Variants in UPF3B observed in about 807,000 individuals in gnomAD.
UPF3B encodes the protein UPF3B regulator of nonsense mediated mRNA decay, also known as regulator of nonsense transcripts 3B.
A neutral mutation model predicts 40.3 loss-of-function variants in UPF3B; 7 were observed. The ratio of observed to expected loss-of-function variants is 0.17; its 90% CI spans 0.10 to 0.33. UPF3B has a LOEUF of 0.33. Ranked by LOEUF, UPF3B falls within the 10% of genes least tolerant of loss-of-function variation. UPF3B has a pLI of 1.00. For synonymous variants in UPF3B, 117 were observed against 117.3 expected (o/e 1.00, Z 0.01); for missense variants, 229 against 358.9 (o/e 0.64, Z 2.93).
chrX:119,840,782 G>A (rs2056151962), intron 7 of UPF3B, 98 bp from the exon 8 acceptor site: 1 of 872,962 alleles, frequency 1.1e-6, no homozygotes, highest in South Asian at 2.2e-5. Flanking sequence ...CCAGCCCTAA[G>A]CCCTCATTTA....
intron 5 of UPF3B, among the ~76,000 whole-genome samples, chrX:119,814,942 T>C (rs2055852346): frequency 1.0e-5 from 1 of 98,406 alleles, no homozygotes. Context: ...CACGGCTTAC[T>C]GCAACCTCCG....
At chrX:119,849,392 C>T (rs1288902105) in intron 3 of UPF3B, among the ~76,000 whole-genome samples, 1 of 108,722 alleles carries the variant, frequency 9.2e-6, no homozygotes, top group East Asian at 2.9e-4. Context: ...AGTCGGCAGG[C>T]TGAGGAACGA....
At chrX:119,845,410 G>A in intron 3 of UPF3B, 114 bp from the exon 4 acceptor site, 1 of 610,304 alleles carries the variant, frequency 1.6e-6, no homozygotes, top group Non-Finnish European at 2.6e-6. Context: ...ATCTGAAGAG[G>A]GTCTCCCAAA....
At chrX:119,830,583 G>A, downstream of UPF3B, among the ~76,000 whole-genome samples, 1 of 110,292 alleles carries the variant, frequency 9.1e-6, no homozygotes, top group Non-Finnish European at 1.9e-5. Flanking sequence ...CAACTCTTAG[G>A]CATTTCTTTA....
chrX:119,836,292 T>C (rs2056090674), intron 10 of UPF3B, among the ~76,000 whole-genome samples: 1 of 108,924 alleles, frequency 9.2e-6, no homozygotes. Context: ...GAGGTGGAGG[T>C]TGTGGTGAGC....
Position 119,840,583 on chromosome X carries a change from T to A in UPF3B, c.846+63A>T. Reference sequence around the variant, plus strand: ...CCACCACCACCACCAAAAGGACTTATTAGCTAAGACCTGTGTGTGTGACAT... The same window carrying A: ...CCACCACCACCACCAAAAGGACTTAATAGCTAAGACCTGTGTGTGTGACAT... On this transcript the variant is annotated intron_variant, in intron 8 of 10. Coordinates refer to ENST00000276201, the MANE Select transcript of UPF3B (RefSeq NM_080632.3). 4 of 1,066,503 alleles carry A rather than the reference T, an allele frequency of 3.8e-6. No individual in the cohort carries two copies. The Admixed American group carries it at 9.1e-5, about 24-fold the overall frequency. The allele number at this position is 1,066,503 out of a possible 1,213,427, so 87.9% of individuals were successfully genotyped here.
At position 119,841,716 on chromosome X, in the gene UPF3B, A is replaced by G. The variant is rs753003157; in HGVS notation, c.624+19T>C. ...AAGAAATTAAAGTATTGAGAGAACT[A>G]TAAAGACAAAAGATTTACCTGCTTG... On this transcript the variant is annotated intron_variant, in intron 6 of 10. Transcript: ENST00000276201. The G allele has an allele frequency of 3.3e-6, 4 of 1,195,288 alleles. No individual in the cohort carries two copies. The African/African-American group carries it at 7.0e-5, about 21-fold the overall frequency.
chrX:119,846,902 A>T (rs371256140), intron 3 of UPF3B, among the ~76,000 whole-genome samples: 1 of 112,614 alleles, frequency 8.9e-6, no homozygotes, highest in Non-Finnish European at 1.9e-5. Context: ...TATCGAGAAT[A>T]TATAAAGAAC....
chrX:119,820,885 G>A (rs753476192), intron 4 of UPF3B, among the ~76,000 whole-genome samples: 1 of 111,964 alleles, frequency 8.9e-6, no homozygotes, highest in Non-Finnish European at 1.9e-5. Context: ...GCAAACAGAT[G>A]CCATGTTAGG....
chrX:119,841,854 C>CA (rs1338242524), intron 5 of UPF3B, 76 bp from the exon 6 acceptor site: 10 of 887,332 alleles, frequency 1.1e-5, no homozygotes, highest in Non-Finnish European at 1.6e-5. Flanking sequence ...CATTCCCTGC[C>CA]AACCACCCAA....
At position 119,851,693 on chromosome X, in the gene UPF3B, A is replaced by G; in HGVS notation, c.263+74T>C. The stretch of plus-strand genomic sequence containing the variant: ...TATTAAAGACAAGCTCAAAAATCAA[A>G]TGAAAAACAGTAGGATAAAAAGAAT... On this transcript the variant is annotated intron_variant, in intron 2 of 10. Transcript: ENST00000276201. 3 of 994,436 alleles carry G rather than the reference A, an allele frequency of 3.0e-6. No homozygotes were observed. The Admixed American group carries it at 7.5e-5, about 25-fold the overall frequency. 82.0% of individuals were successfully genotyped at this position (994,436 alleles called of 1,213,427 possible). A position where few individuals can be genotyped will look rare whatever the true frequency, so the allele number is the denominator to read the frequency against.
At chrX:119,836,577 A>G (rs2056094806) in intron 10 of UPF3B, among the ~76,000 whole-genome samples, 1 of 109,856 alleles carries the variant, frequency 9.1e-6, no homozygotes, top group Non-Finnish European at 1.9e-5. Context: ...GGTAGGGATG[A>G]AGTAGAATAG....
chrX:119,808,466 T>G (rs932643253), intron 5 of UPF3B, among the ~76,000 whole-genome samples: 1 of 97,856 alleles, frequency 1.0e-5, no homozygotes, highest in African/African-American at 3.7e-5. Flanking sequence ...TCTGACATTG[T>G]GCATCATGAT....
In UPF3B at chrX:119,834,845, G is replaced by T; in HGVS notation, c.*33C>A. On this transcript the variant is annotated 3_prime_UTR_variant, in exon 11 of 11. Transcript: ENST00000276201. ...TTAACGTGTGCTCTTTGGCTGCCTA[G>T]ACAGTCAGGACACCTAAGGCCATCT... 1 of 1,210,263 alleles carries T rather than the reference G, an allele frequency of 8.3e-7. No homozygotes were observed. The highest frequency in any genetic ancestry group is 1.1e-6 in the Non-Finnish European group (1 of 895,413).
intron 3 of UPF3B, among the ~76,000 whole-genome samples, chrX:119,847,498 G>C (rs939567648): frequency 9.0e-6 from 1 of 111,098 alleles, no homozygotes; most frequent in Non-Finnish European, 1.9e-5. Context: ...GGGCACAGTG[G>C]CTCACACCTG....
chrX:119,831,726 C>A (rs919513879), downstream of UPF3B: 1 of 752,664 alleles, frequency 1.3e-6, no homozygotes, highest in African/African-American at 2.3e-5. Flanking sequence ...TGGCTTTGAA[C>A]TCCTGGATGG....
intron 4 of UPF3B, among the ~76,000 whole-genome samples, chrX:119,843,994 G>A (rs2056196733): frequency 8.9e-6 from 1 of 111,936 alleles, no homozygotes; most frequent in South Asian, 3.7e-4. Flanking sequence ...TCAAAATCTG[G>A]AGCCAGTGTA....
chrX:119,835,939 G>A (rs1191918790), intron 10 of UPF3B, among the ~76,000 whole-genome samples: 1 of 110,892 alleles, frequency 9.0e-6, no homozygotes, highest in South Asian at 3.8e-4. Flanking sequence ...ATTGTACCAC[G>A]GCACTCCAGC....
Position 119,834,804 on chromosome X carries a change from G to A in UPF3B, c.*74C>T. 2 of 1,209,392 alleles carry A rather than the reference G, an allele frequency of 1.7e-6. No individual in the cohort carries two copies. Among genetic ancestry groups the A allele is most frequent in the Non-Finnish European group, 1.1e-6 (1 of 895,352 alleles). ...CTTTCTCTCTATTCTTTGCCCTGAA[G>A]GCACCTCTGGATTGCTTAACGTGTG... On this transcript the variant is annotated 3_prime_UTR_variant, in exon 11 of 11. Coordinates refer to ENST00000276201, the MANE Select transcript of UPF3B (RefSeq NM_080632.3).
Sources: gnomAD v4.1 joint callset for allele counts (sites outside exome capture counted in the v4.1 genomes callset) on GRCh38, gnomAD v4.1.1 for gene constraint, MANE v1.5 for transcripts, NCBI Gene and HGNC (gene_info 2026-07-23, HGNC 2026-07-21) for gene names.